MTARC2: variants seen among roughly 807,000 people sequenced by gnomAD.
MTARC2 encodes the protein mitochondrial amidoxime reducing component 2, also known as MOCO sulphurase C-terminal domain containing 2.
A neutral mutation model predicts 35.6 loss-of-function variants in MTARC2; 27 were observed. The ratio of observed to expected loss-of-function variants is 0.76; its 90% CI spans 0.56 to 1.04. The LOEUF is 1.04. Among genes scored for constraint, MTARC2 ranks in the 50% least tolerant of loss-of-function variants. MTARC2 has a pLI of 0.00. For synonymous variants in MTARC2, 158 were observed against 167.1 expected, an observed-to-expected ratio of 0.95 and a Z score of 0.42; for missense variants, 412 against 432.5, an observed-to-expected ratio of 0.95 and a Z score of 0.42.
At chr1:220,748,860 G>GA (rs962493773) in intron 1 of MTARC2, 57 bp downstream of exon 1, 1 of 1,485,398 alleles carries the variant, frequency 6.7e-7, no homozygotes, top group African/African-American at 1.4e-5. Context: ...GAGGAGCGGG[G>GA]GGGCAGGTGG....
chr1:220,753,865 C>T (rs1199904776), intron 1 of MTARC2, among the ~76,000 whole-genome samples: 2 of 152,164 alleles, frequency 1.3e-5, no homozygotes. Flanking sequence ...GCCCAGCCAA[C>T]ATAGCGAAAC....
chr1:220,754,628 C>G (rs910353756), intron 1 of MTARC2, among the ~76,000 whole-genome samples: 9 of 152,136 alleles, frequency 5.9e-5, no homozygotes, highest in African/African-American at 2.2e-4. Context: ...CAAAGCAGAA[C>G]CCCCAGACAA....
Position 220,755,039 on chromosome 1 carries a change from G to A in MTARC2, c.365G>A (p.Cys122Tyr), listed in dbSNP as rs1394054181. Reference protein sequence around the residue: ...VLISIIYENNCLIFRAPDMDQ... With the variant: ...VLISIIYENNYLIFRAPDMDQ... ...ATCTCCATCATTTATGAGAATAACT[G>A]CCTGATCTTCAGGGCTCCAGACATG... The change falls in exon 2 of 8, where the codon TGC (cysteine) becomes TAC (tyrosine). Residue 122 changes from cysteine (C) to tyrosine (Y), a missense_variant. Physicochemically the swap from Cys to Tyr is radical, Grantham distance 194 (BLOSUM62 -2). Transcript: ENST00000366913. 1.2e-6 allele frequency: 2 copies of A among 1,613,316 alleles called. No homozygotes were observed. Among genetic ancestry groups the A allele is most frequent in the Non-Finnish European group, 1.7e-6 (2 of 1,179,688 alleles).
intron 4 of MTARC2, among the ~76,000 whole-genome samples, chr1:220,763,995 A>G (rs1017013294): frequency 6.6e-6 from 1 of 152,190 alleles, no homozygotes; most frequent in Non-Finnish European, 1.5e-5. Context: ...GAGATCCCAA[A>G]TAGTTAACTC....
intron 4 of MTARC2, among the ~76,000 whole-genome samples, chr1:220,772,673 C>CTCTGGGCAG (rs1455304790): frequency 6.7e-6 from 1 of 149,734 alleles, no homozygotes; most frequent in African/African-American, 2.5e-5. Context: ...GAAAGAGGCA[C>CTCTGGGCAG]TCTGGGCAGG....
chr1:220,781,886 G>A lies in MTARC2; in HGVS notation c.993G>A (p.Val331=). The change falls in exon 7 of 8, where the codon GTG becomes GTA. Residue 331 remains valine, a synonymous_variant. Transcript: ENST00000366913. The part of the protein sequence containing the change: ...KIGSLRVGDP[V]YRMV Reference sequence around the variant, plus strand: ...GAAGCCTGAGAGTTGGTGACCCTGTGTATCGGATGGTGTAGTGATGAGTGA... The same window carrying A: ...GAAGCCTGAGAGTTGGTGACCCTGTATATCGGATGGTGTAGTGATGAGTGA... 1 of 1,614,204 alleles carries A rather than the reference G, an allele frequency of 6.2e-7. No homozygotes were observed.
intron 4 of MTARC2, among the ~76,000 whole-genome samples, chr1:220,767,841 T>C (rs1439103786): frequency 6.6e-6 from 1 of 152,264 alleles, no homozygotes; most frequent in Admixed American, 6.5e-5. Flanking sequence ...CACTGCTTAC[T>C]GGCTGTGTGG....
chr1:220,782,998 A>G (rs144273416), intron 7 of MTARC2, among the ~76,000 whole-genome samples: 1 of 152,358 alleles, frequency 6.6e-6, no homozygotes, highest in African/African-American at 2.4e-5. Flanking sequence ...ATCCAGTCTT[A>G]GGTTCCATAG....
At chr1:220,752,584 G>C (rs1671152190) in intron 1 of MTARC2, among the ~76,000 whole-genome samples, 1 of 152,228 alleles carries the variant, frequency 6.6e-6, no homozygotes, top group Non-Finnish European at 1.5e-5. Flanking sequence ...GCTCACATCT[G>C]TAATCTCAGC....
chr1:220,771,946 T>A (rs1671755195), intron 4 of MTARC2, among the ~76,000 whole-genome samples: 1 of 152,250 alleles, frequency 6.6e-6, no homozygotes, highest in Admixed American at 6.5e-5. Context: ...ATCATCATAC[T>A]ATTAAAAGGT....
At chr1:220,782,382 G>T (rs370400758) in intron 7 of MTARC2, among the ~76,000 whole-genome samples, 1 of 152,242 alleles carries the variant, frequency 6.6e-6, no homozygotes, top group East Asian at 1.9e-4. Context: ...TATTTTTAAA[G>T]TATAATTGAA....
intron 6 of MTARC2, among the ~76,000 whole-genome samples, chr1:220,780,772 C>T (rs1314632112): frequency 6.6e-6 from 1 of 152,046 alleles, no homozygotes; most frequent in South Asian, 2.1e-4. Flanking sequence ...TATAATACTA[C>T]ATTTTGAAAT....
intron 4 of MTARC2, among the ~76,000 whole-genome samples, chr1:220,764,191 T>C (rs2102554248): frequency 6.6e-6 from 1 of 152,228 alleles, no homozygotes; most frequent in African/African-American, 2.4e-5. Flanking sequence ...CCTCCTGGGT[T>C]TGTGTGATTC....
At chr1:220,776,815 G>C (rs1366476533) in intron 4 of MTARC2, among the ~76,000 whole-genome samples, 1 of 152,150 alleles carries the variant, frequency 6.6e-6, no homozygotes, top group African/African-American at 2.4e-5. Context: ...AAAATTGAAC[G>C]GAAGATACTT....
intron 4 of MTARC2, among the ~76,000 whole-genome samples, chr1:220,772,770 G>T (rs1167508618): frequency 6.6e-6 from 1 of 152,082 alleles, no homozygotes; most frequent in Non-Finnish European, 1.5e-5. Flanking sequence ...GGATCCAATT[G>T]CGGGAACCAT....
intron 4 of MTARC2, chr1:220,770,593 A>G: frequency 1.0e-6 from 1 of 982,270 alleles, no homozygotes; most frequent in Non-Finnish European, 1.2e-6. Context: ...ATGACCCCCC[A>G]TACCTTTCTC....
intron 4 of MTARC2, among the ~76,000 whole-genome samples, chr1:220,764,420 T>A (rs1392392245): frequency 1.3e-5 from 2 of 152,184 alleles, no homozygotes; most frequent in African/African-American, 2.4e-5. Flanking sequence ...CATGGTTCTT[T>A]AGGATAAACC....
At chr1:220,779,407 T>A (rs1672002805) in intron 4 of MTARC2, among the ~76,000 whole-genome samples, 1 of 152,176 alleles carries the variant, frequency 6.6e-6, no homozygotes, top group African/African-American at 2.4e-5. Flanking sequence ...CTCCATTTCT[T>A]TGGGTAAAAT....
At chr1:220,763,800 A>T (rs1210782988) in intron 4 of MTARC2, among the ~76,000 whole-genome samples, 1 of 152,212 alleles carries the variant, frequency 6.6e-6, no homozygotes, top group Non-Finnish European at 1.5e-5. Context: ...TAATCATTTC[A>T]GATAAATTAC....
Sources: allele counts gnomAD v4.1 joint callset (sites outside exome capture counted in the v4.1 genomes callset), GRCh38; gene constraint gnomAD v4.1.1; transcripts MANE v1.5; gene names NCBI Gene and HGNC (gene_info 2026-07-23, HGNC 2026-07-21).